RAB27B: variants seen among roughly 807,000 people sequenced by gnomAD.
RAB27B encodes the protein RAB27B, member RAS oncogene family, also known as ras-related protein Rab-27B.
Under a neutral mutation model 24.6 loss-of-function variants are expected in RAB27B, and 15 were observed. That is an observed-to-expected ratio of 0.61 (90% CI 0.41 to 0.94). RAB27B has a LOEUF of 0.94. Ranked by LOEUF, RAB27B falls within the 40% of genes least tolerant of loss-of-function variation. The pLI, the probability that RAB27B is intolerant of heterozygous loss-of-function variation, is 0.00. For synonymous variants in RAB27B, 105 were observed against 92.5 expected, an observed-to-expected ratio of 1.14 and a Z score of -0.78; for missense variants, 261 against 266.8, an observed-to-expected ratio of 0.98 and a Z score of 0.15.
chr18:54,888,583 G>A (rs770821348), intron 5 of RAB27B, among the ~76,000 whole-genome samples: 2 of 151,684 alleles, frequency 1.3e-5, no homozygotes, highest in Non-Finnish European at 2.9e-5. Context: ...ATGAAAATGT[G>A]GTCTTTATCC....
intron 2 of RAB27B, among the ~76,000 whole-genome samples, chr18:54,747,451 G>A (rs1910288840): frequency 1.3e-5 from 2 of 152,144 alleles, no homozygotes; most frequent in Admixed American, 1.3e-4. Context: ...ATAAAAACCT[G>A]GGTAATACCA....
chr18:54,756,362 T>C (rs2145042030), intron 2 of RAB27B, among the ~76,000 whole-genome samples: 1 of 152,336 alleles, frequency 6.6e-6, no homozygotes, highest in Middle Eastern at 3.4e-3. Flanking sequence ...CACATTGTAC[T>C]TAATTAGGTC....
At position 54,784,189 on chromosome 18, in the gene RAB27B, C is replaced by T. The variant is rs1598902026; in HGVS notation, c.-20+66048C>T. Among the ~76,000 whole-genome samples, 6 of 152,298 alleles carry T rather than the reference C, an allele frequency of 3.9e-5. No homozygotes were observed. In the South Asian group the frequency reaches 1.2e-3, roughly 32 times the overall value. On this transcript the variant is annotated intron_variant, in intron 2 of 4. Coordinates refer to the RAB27B transcript ENST00000586570. ...GACAGGGAATGAAGGAGAGAGGCTGCTTCCGATCCCCAGTTGTAGATTGAA... is the reference window on the plus strand; with the variant it reads ...GACAGGGAATGAAGGAGAGAGGCTGTTTCCGATCCCCAGTTGTAGATTGAA...
chr18:54,852,457 A>G (rs1324523198), intron 1 of RAB27B, among the ~76,000 whole-genome samples: 1 of 152,178 alleles, frequency 6.6e-6, no homozygotes, highest in East Asian at 1.9e-4. Flanking sequence ...CCTATTTTTA[A>G]TTTGGAAAAT....
chr18:54,764,478 A>G (rs12962379), intron 2 of RAB27B, among the ~76,000 whole-genome samples: 4 of 152,338 alleles, frequency 2.6e-5, no homozygotes, highest in Non-Finnish European at 5.9e-5. Flanking sequence ...TCGTCTGCAC[A>G]ATGGGAATGA....
At chr18:54,795,398 C>G (rs1349531585) in intron 2 of RAB27B, among the ~76,000 whole-genome samples, 1 of 152,136 alleles carries the variant, frequency 6.6e-6, no homozygotes, top group South Asian at 2.1e-4. Flanking sequence ...ACTGAGATGA[C>G]AAGTATCACC....
chr18:54,788,295 T>C (rs1412644964), intron 2 of RAB27B, among the ~76,000 whole-genome samples: 4 of 152,088 alleles, frequency 2.6e-5, no homozygotes, highest in Non-Finnish European at 5.9e-5. Flanking sequence ...GTGTTTTTTG[T>C]TGTTGTTGTT....
chr18:54,875,752 G>C (rs1912670555), intron 1 of RAB27B, among the ~76,000 whole-genome samples: 1 of 152,082 alleles, frequency 6.6e-6, no homozygotes, highest in Non-Finnish European at 1.5e-5. Flanking sequence ...TATTCCAAAT[G>C]ATATAATGAT....
chr18:54,806,915 T>C (rs1909808233), intron 2 of RAB27B, among the ~76,000 whole-genome samples: 1 of 152,204 alleles, frequency 6.6e-6, no homozygotes, highest in Non-Finnish European at 1.5e-5. Context: ...TTCTTTATTT[T>C]TTTATTTTTT....
At chr18:54,755,905 C>T (rs909223779) in intron 2 of RAB27B, among the ~76,000 whole-genome samples, 5 of 152,094 alleles carry the variant, frequency 3.3e-5, no homozygotes, top group Non-Finnish European at 2.9e-5. Flanking sequence ...CAAATACCAG[C>T]GCCACCAAAA....
At position 54,894,558 on chromosome 18, in the gene RAB27B, A is replaced by G. The variant is rs1232231158; in HGVS notation, c.*5145A>G. ...ATTTTGTTTTCAAATGCTCCTTGTG[A>G]AAACACCTAGTGTTGTAGAAAGGAA... is the stretch of plus-strand genomic sequence containing the variant. On this transcript the variant is annotated 3_prime_UTR_variant, in exon 6 of 6. Transcript: ENST00000262094. The G allele has an allele frequency of 6.6e-6, 1 of 152,034 alleles. No individual in the cohort carries two copies. Among genetic ancestry groups the G allele is most frequent in the African/African-American group, 2.4e-5 (1 of 41,418 alleles). The allele number at this position is 152,034 out of a possible 1,614,324, so 9.4% of individuals were successfully genotyped here. A position where few individuals can be genotyped will look rare whatever the true frequency, so the allele number is the denominator to read the frequency against.
intron 1 of RAB27B, among the ~76,000 whole-genome samples, chr18:54,852,298 C>G (rs770745620): frequency 3.3e-5 from 5 of 151,982 alleles, no homozygotes; most frequent in Middle Eastern, 3.2e-3. Flanking sequence ...GATCTGAGGC[C>G]CAGGTTAAAG....
intron 1 of RAB27B, among the ~76,000 whole-genome samples, chr18:54,838,501 AT>A (rs1475511139): frequency 6.6e-6 from 1 of 152,132 alleles, no homozygotes; most frequent in African/African-American, 2.4e-5. Flanking sequence ...ATTTCTGACT[AT>A]TTAATAATTA....
At chr18:54,857,893 C>A (rs569238173) in intron 1 of RAB27B, among the ~76,000 whole-genome samples, 1 of 152,286 alleles carries the variant, frequency 6.6e-6, no homozygotes, top group South Asian at 2.1e-4. Context: ...AAAATATAAA[C>A]CTATATACCA....
At chr18:54,738,287 T>C (rs1360766152) in intron 2 of RAB27B, among the ~76,000 whole-genome samples, 8 of 152,316 alleles carry the variant, frequency 5.3e-5, no homozygotes, top group Non-Finnish European at 8.8e-5. Context: ...ATTGATATGG[T>C]TGGGCTCCGT....
chr18:54,827,359 A>G (rs964092585), upstream of RAB27B, among the ~76,000 whole-genome samples: 2 of 152,248 alleles, frequency 1.3e-5, no homozygotes, highest in African/African-American at 2.4e-5. Flanking sequence ...CTATGAAGAC[A>G]TTATTATTAC....
chr18:54,723,819 CTTTGT>C (rs1299832526), intron 2 of RAB27B, among the ~76,000 whole-genome samples: 2 of 152,126 alleles, frequency 1.3e-5, no homozygotes, highest in Non-Finnish European at 2.9e-5. Flanking sequence ...TTATTTACAA[CTTTGT>C]TTTAATTATG....
At chr18:54,823,363 C>T (rs1319854695) in intron 2 of RAB27B, among the ~76,000 whole-genome samples, 4 of 152,156 alleles carry the variant, frequency 2.6e-5, no homozygotes, top group Non-Finnish European at 5.9e-5. Flanking sequence ...TCTGGTGAAG[C>T]CTTCCCTGCA....
At chr18:54,806,875 C>T (rs1909807070) in intron 2 of RAB27B, among the ~76,000 whole-genome samples, 2 of 152,096 alleles carry the variant, frequency 1.3e-5, no homozygotes, top group African/African-American at 4.8e-5. Flanking sequence ...TGAGTAAATA[C>T]AGTTGACCAC....
Sources: allele counts gnomAD v4.1 joint callset (sites outside exome capture counted in the v4.1 genomes callset), GRCh38; gene constraint gnomAD v4.1.1; transcripts MANE v1.5; gene names NCBI Gene and HGNC (gene_info 2026-07-23, HGNC 2026-07-21).